Variants in TRAM1 observed in about 807,000 individuals in gnomAD.
TRAM1 encodes the protein translocation associated membrane protein 1.
Under a neutral mutation model 48.7 loss-of-function variants are expected in TRAM1, and 17 were observed. That is an observed-to-expected ratio of 0.35 (90% confidence interval 0.24 to 0.52). The LOEUF (loss-of-function observed/expected upper bound fraction) is 0.52, where lower values mean the gene tolerates loss of function less well. Ranked by LOEUF, TRAM1 falls within the 20% of genes least tolerant of loss-of-function variation. The pLI, the probability that TRAM1 is intolerant of heterozygous loss-of-function variation, is 0.94. For missense variants in TRAM1, 351 were observed against 441.5 expected (o/e 0.79, Z 1.84); for synonymous variants, 182 against 154.0 (o/e 1.18, Z -1.34).
intron 1 of TRAM1, chr8:70,606,954 C>T: frequency 5.1e-6 from 5 of 982,238 alleles, no homozygotes; most frequent in Non-Finnish European, 6.0e-6. Context: ...TTAAGCACTC[C>T]TATGTCCCAG....
chr8:70,581,960 G>A (rs533256490), intron 10 of TRAM1, among the ~76,000 whole-genome samples: 10 of 152,214 alleles, frequency 6.6e-5, no homozygotes, highest in African/African-American at 2.2e-4. Flanking sequence ...AGAATGAAGG[G>A]GGCAAAGTGA....
intron 10 of TRAM1, among the ~76,000 whole-genome samples, chr8:70,577,441 T>TC (rs1254463120): frequency 6.6e-6 from 1 of 152,044 alleles, no homozygotes; most frequent in East Asian, 1.9e-4. Context: ...ATGCACTTCC[T>TC]CCCCCCTGAA....
chr8:70,589,866 A>G (rs1817313653), intron 6 of TRAM1, among the ~76,000 whole-genome samples: 1 of 152,176 alleles, frequency 6.6e-6, no homozygotes, highest in South Asian at 2.1e-4. Flanking sequence ...AAACAAAACA[A>G]AAACCCAAAA....
chr8:70,591,411 C>A (rs1319260775), intron 6 of TRAM1, among the ~76,000 whole-genome samples: 1 of 152,116 alleles, frequency 6.6e-6, no homozygotes, highest in East Asian at 1.9e-4. Flanking sequence ...ATGTCTGAGG[C>A]CGACAACAAA....
rs1209679219 is a variant in TRAM1 at position 70,573,255 on chromosome 8, T to C, written c.*1677A>G. Among the ~76,000 whole-genome samples the C allele has an allele frequency of 6.6e-6, 1 of 152,220 alleles. No homozygotes were observed. The highest frequency in any genetic ancestry group is 1.5e-5 in the Non-Finnish European group (1 of 68,030). On this transcript the variant is annotated 3_prime_UTR_variant, in exon 11 of 11. Transcript: ENST00000262213. ...AGTGATTCCCAGATTTATTTGGTTA[T>C]GACCATCTATCCCCCCAGTAGTCCT...
chr8:70,597,778 TA>T (rs1370612813), intron 4 of TRAM1, 116 bp downstream of exon 4: 12 of 695,628 alleles, frequency 1.7e-5, no homozygotes, highest in South Asian at 4.2e-5. Context: ...TTTTGCTGTA[TA>T]AAAAAATACC....
At chr8:70,596,013 G>A (rs933811561) in intron 5 of TRAM1, among the ~76,000 whole-genome samples, 3 of 151,832 alleles carry the variant, frequency 2.0e-5, no homozygotes, top group Non-Finnish European at 4.4e-5. Context: ...GAAAAGAAGC[G>A]AGTACCAAAT....
intron 4 of TRAM1, among the ~76,000 whole-genome samples, chr8:70,597,481 C>A (rs977267399): frequency 6.6e-6 from 1 of 151,798 alleles, no homozygotes; most frequent in African/African-American, 2.4e-5. Context: ...ACCATCCTGG[C>A]CAACATGGTG....
intron 6 of TRAM1, among the ~76,000 whole-genome samples, chr8:70,590,805 AACCTTTT>A (rs2132034990): frequency 6.6e-6 from 1 of 152,390 alleles, no homozygotes; most frequent in Non-Finnish European, 1.5e-5. Flanking sequence ...ATTATCAAGA[AACCTTTT>A]TCTAAGTAAT....
intron 6 of TRAM1, among the ~76,000 whole-genome samples, chr8:70,593,562 G>A (rs1166453210): frequency 1.4e-5 from 2 of 145,120 alleles, no homozygotes; most frequent in Non-Finnish European, 3.0e-5. Context: ...TTATTTTGAA[G>A]TAAAATCCCA....
At chr8:70,578,929 A>AC (rs1271492796) in intron 10 of TRAM1, among the ~76,000 whole-genome samples, 2 of 152,258 alleles carry the variant, frequency 1.3e-5, no homozygotes, top group Non-Finnish European at 2.9e-5. Context: ...GGTTTCAGTT[A>AC]CCCACAGTCA....
Position 70,583,663 on chromosome 8 carries a change from C to G in TRAM1, c.877G>C (p.Val293Leu). Residue 293 changes from valine (V) to leucine (L), a missense_variant, in exon 9 of 11, where the codon GTG (valine) becomes CTG (leucine). Coordinates refer to ENST00000262213, the MANE Select transcript of TRAM1 (RefSeq NM_014294.6). ...KLDFSTGNFNVLAVRIAVLAS... is the reference protein window; with the variant it reads ...KLDFSTGNFNLLAVRIAVLAS... ...AATTGATCGTACCTAACAGCTAACA[C>G]ATTGAAGTTTCCAGTACTGAAATCC... 6.2e-7 allele frequency: 1 copy of G among 1,612,096 alleles called. No individual in the cohort carries two copies. The highest frequency in any genetic ancestry group is 1.7e-4 in the Middle Eastern group (1 of 6,052).
intron 2 of TRAM1, among the ~76,000 whole-genome samples, chr8:70,598,544 A>G (rs1475279279): frequency 6.6e-6 from 1 of 152,206 alleles, no homozygotes; most frequent in African/African-American, 2.4e-5. Flanking sequence ...CAATAAACTG[A>G]TATTATCCCA....
chr8:70,593,737 GAGTA>G (rs1247404738), intron 6 of TRAM1, among the ~76,000 whole-genome samples: 5 of 152,126 alleles, frequency 3.3e-5, no homozygotes, highest in African/African-American at 1.2e-4. Flanking sequence ...GAAGCATAAG[GAGTA>G]AGCAGAGAAA....
At position 70,608,132 on chromosome 8, in the gene TRAM1, T is replaced by G; in HGVS notation, c.68A>C (p.His23Pro). The G allele has an allele frequency of 6.3e-7, 1 of 1,599,890 alleles. No homozygotes were observed. The highest frequency in any genetic ancestry group is 1.7e-5 in the Admixed American group (1 of 58,636). The part of the protein sequence containing the change: ...VLSHEFVLQN[H>P]ADIVSCVAMV... Reference sequence around the variant, plus strand: ...CGCCACACAGGAGACGATGTCCGCGTGATTCTGCAGGACGAATTCGTGGCT... The same window carrying G: ...CGCCACACAGGAGACGATGTCCGCGGGATTCTGCAGGACGAATTCGTGGCT... The change falls in exon 1 of 11, where the codon CAC (histidine) becomes CCC (proline). Residue 23 changes from histidine (H) to proline (P), a missense_variant. Coordinates refer to ENST00000262213, the MANE Select transcript of TRAM1 (RefSeq NM_014294.6).
chr8:70,589,299 G>A (rs1445056911), intron 6 of TRAM1, among the ~76,000 whole-genome samples: 2 of 152,150 alleles, frequency 1.3e-5, no homozygotes, highest in Non-Finnish European at 2.9e-5. Context: ...AATTTCCAAT[G>A]AAATATTTCA....
At chr8:70,604,285 C>G (rs543336464) in intron 1 of TRAM1, among the ~76,000 whole-genome samples, 23 of 152,250 alleles carry the variant, frequency 1.5e-4, no homozygotes, top group African/African-American at 5.3e-4. Context: ...TGGTATCTTT[C>G]TTGTTATATA....
intron 8 of TRAM1, among the ~76,000 whole-genome samples, chr8:70,584,001 G>A (rs943531731): frequency 6.6e-6 from 1 of 151,828 alleles, no homozygotes; most frequent in Non-Finnish European, 1.5e-5. Context: ...CAACAAGAGC[G>A]AAACTCCATC....
intron 6 of TRAM1, among the ~76,000 whole-genome samples, chr8:70,592,420 T>C (rs558666631): frequency 2.0e-4 from 30 of 152,342 alleles, no homozygotes; most frequent in African/African-American, 6.3e-4. Context: ...TTAACACATA[T>C]GCAGCTGCTA....
Sources: allele counts gnomAD v4.1 joint callset (sites outside exome capture counted in the v4.1 genomes callset), GRCh38; gene constraint gnomAD v4.1.1; transcripts MANE v1.5; gene names NCBI Gene and HGNC (gene_info 2026-07-23, HGNC 2026-07-21).